The following ZFHX3 variants were observed in gnomAD, a reference collection of about 807,000 sequenced individuals.
The protein encoded by ZFHX3 is zinc finger homeobox protein 3.
Under a neutral mutation model 279.1 loss-of-function variants are expected in ZFHX3, and 42 were observed. That is an observed-to-expected ratio of 0.15 (90% CI 0.12 to 0.19). The LOEUF (loss-of-function observed/expected upper bound fraction) is 0.19. Among genes scored for constraint, ZFHX3 ranks in the 10% least tolerant of loss-of-function variants. The pLI is 1.00. For missense variants in ZFHX3, 4,981 were observed against 4,754.0 expected, an observed-to-expected ratio of 1.05 and a Z score of -1.40; for synonymous variants, 2,293 against 1,957.8, an observed-to-expected ratio of 1.17 and a Z score of -4.52.
intron 1 of ZFHX3, among the ~76,000 whole-genome samples, chr16:73,689,297 G>A (rs2053122966): frequency 6.6e-6 from 1 of 152,172 alleles, no homozygotes; most frequent in South Asian, 2.1e-4. Context: ...GGGGTTTTAG[G>A]AAGCCCCCAA....
chr16:73,462,867 T>C (rs1208342351), intron 2 of ZFHX3, among the ~76,000 whole-genome samples: 1 of 152,216 alleles, frequency 6.6e-6, no homozygotes, highest in Non-Finnish European at 1.5e-5. Flanking sequence ...CATACTGGTC[T>C]GTAGTTTTCT....
At chr16:72,859,546 CT>C (rs1228698093) in intron 4 of ZFHX3, among the ~76,000 whole-genome samples, 9 of 152,172 alleles carry the variant, frequency 5.9e-5, no homozygotes, top group African/African-American at 2.2e-4. Context: ...TAAGGCCCCA[CT>C]TTTTTCTGTC....
At chr16:73,273,681 G>T (rs1265814218) in intron 4 of ZFHX3, among the ~76,000 whole-genome samples, 2 of 151,994 alleles carry the variant, frequency 1.3e-5, no homozygotes, top group African/African-American at 4.8e-5. Flanking sequence ...TCTATCAGAG[G>T]ATATTCCATA....
intron 2 of ZFHX3, among the ~76,000 whole-genome samples, chr16:73,669,531 GT>G (rs1440147143): frequency 1.3e-5 from 2 of 152,182 alleles, no homozygotes; most frequent in African/African-American, 4.8e-5. Context: ...ATAAAAAGGG[GT>G]ATCCATGAAA....
chr16:73,589,373 T>C (rs1461370246), intron 2 of ZFHX3, among the ~76,000 whole-genome samples: 2 of 148,042 alleles, frequency 1.4e-5, no homozygotes, highest in Non-Finnish European at 1.5e-5. Flanking sequence ...GAGGTTAAGA[T>C]TGCAGTGTGC....
At chr16:73,743,788 G>A (rs1037239368) in intron 1 of ZFHX3, among the ~76,000 whole-genome samples, 7 of 152,012 alleles carry the variant, frequency 4.6e-5, no homozygotes, top group Admixed American at 3.3e-4. Context: ...CTGTCACCTG[G>A]AAAGAAATGA....
At chr16:73,465,103 T>C (rs2018542179) in intron 2 of ZFHX3, among the ~76,000 whole-genome samples, 1 of 152,142 alleles carries the variant, frequency 6.6e-6, no homozygotes, top group Non-Finnish European at 1.5e-5. Flanking sequence ...CAACTCATGC[T>C]CGAGGTCAGA....
At chr16:72,915,252 A>T (rs1205484752) in intron 3 of ZFHX3, among the ~76,000 whole-genome samples, 1 of 152,158 alleles carries the variant, frequency 6.6e-6, no homozygotes, top group East Asian at 1.9e-4. Flanking sequence ...ATTTGCCTTT[A>T]AAAAAATGAC....
rs779136959 is a variant in ZFHX3, at chr16:73,822,335, AG to A, written c.-1608+69315del. On this transcript the variant is annotated intron_variant, in intron 1 of 17. Transcript: ENST00000641206. Reference sequence around the variant, plus strand: ...AAAGGCACGATAGTTCAGTCATATTAGGTTCCTGCCAGCTAAGAAGCCTAAG... The same window carrying A: ...AAAGGCACGATAGTTCAGTCATATTAGTTCCTGCCAGCTAAGAAGCCTAAG... Among the ~76,000 whole-genome samples, 19 of 152,280 alleles carry A rather than the reference AG, an allele frequency of 1.2e-4. 1 individual carries two copies. Among genetic ancestry groups the A allele is most frequent in the Admixed American group, 6.5e-4 (10 of 15,302 alleles).
chr16:73,321,831 T>C lies in ZFHX3; in HGVS notation c.-1290-3495A>G, dbSNP rs866177122. Among the ~76,000 whole-genome samples, 18 of 148,932 alleles carry C rather than the reference T, an allele frequency of 1.2e-4. 1 individual carries two copies. The Middle Eastern group carries it at 0.014, about 114-fold the overall frequency. On this transcript the variant is annotated intron_variant, in intron 3 of 17. Transcript: ENST00000641206. ...GTGTCTCTTCCTAAGCATGGTAAATTGTATGTAGAGAAAAAGACAGAGAGA... is the reference window on the plus strand; with the variant it reads ...GTGTCTCTTCCTAAGCATGGTAAATCGTATGTAGAGAAAAAGACAGAGAGA...
chr16:73,600,936 C>T (rs2052108010), intron 2 of ZFHX3, among the ~76,000 whole-genome samples: 1 of 151,790 alleles, frequency 6.6e-6, no homozygotes, highest in African/African-American at 2.4e-5. Flanking sequence ...CCTAGCATAA[C>T]GCCCTGCCCA....
intron 3 of ZFHX3, among the ~76,000 whole-genome samples, chr16:72,931,512 GC>G (rs1160668542): frequency 6.8e-6 from 1 of 147,936 alleles, no homozygotes; most frequent in Non-Finnish European, 1.5e-5. Context: ...GACTTCAGTA[GC>G]CAAGGAGATT....
intron 3 of ZFHX3, among the ~76,000 whole-genome samples, chr16:73,322,440 C>T (rs147725146): frequency 3.9e-5 from 6 of 152,218 alleles, no homozygotes; most frequent in Non-Finnish European, 8.8e-5. Context: ...GATGGAAATA[C>T]GCTGTGATAT....
At chr16:73,594,359 T>C (rs976981806) in intron 2 of ZFHX3, among the ~76,000 whole-genome samples, 1 of 152,162 alleles carries the variant, frequency 6.6e-6, no homozygotes, top group African/African-American at 2.4e-5. Flanking sequence ...GAAGGCTCAA[T>C]AGATAAAAAT....
intron 4 of ZFHX3, among the ~76,000 whole-genome samples, chr16:73,269,606 C>A (rs865904222): frequency 6.6e-6 from 1 of 152,086 alleles, no homozygotes; most frequent in African/African-American, 2.4e-5. Flanking sequence ...TTATTAATAA[C>A]CTTCCACGAA....
Position 72,868,826 on chromosome 16 carries a change from T to G in ZFHX3, c.3448+20905A>C, listed in dbSNP as rs573589197. Among the ~76,000 whole-genome samples, 4 of 144,944 alleles carry G rather than the reference T, an allele frequency of 2.8e-5. No homozygotes were observed. In the East Asian group the frequency reaches 6.1e-4, roughly 22 times the overall value. ...GTAGCCCTCTGTTCACCTCAGGAGTTGTAAGAAACAACCCTATTGTACATA... is the reference window on the plus strand; with the variant it reads ...GTAGCCCTCTGTTCACCTCAGGAGTGGTAAGAAACAACCCTATTGTACATA... On this transcript the variant is annotated intron_variant, in intron 4 of 9. Transcript: ENST00000268489.
chr16:73,716,624 C>A (rs1181846686), intron 1 of ZFHX3, among the ~76,000 whole-genome samples: 1 of 134,212 alleles, frequency 7.5e-6, no homozygotes, highest in Non-Finnish European at 1.7e-5. Context: ...CACACACACA[C>A]ACACACACAC....
chr16:73,662,250 C>A (rs928727691), intron 2 of ZFHX3, among the ~76,000 whole-genome samples: 15 of 152,124 alleles, frequency 9.9e-5, no homozygotes, highest in Non-Finnish European at 4.4e-5. Context: ...AGCACTTTTG[C>A]GCAAGTGTAA....
Position 72,788,097 on chromosome 16 carries a change from C to G in ZFHX3, c.10179G>C (p.Gln3393His). 6.2e-7 allele frequency: 1 copy of G among 1,608,636 alleles called. No individual in the cohort carries two copies. ...GGGTTTGGCTTGCTTTGGGCTGCTG[C>G]TGCTGCACTTTTTGCTGCTGCTGCT... ...LQQQQQQKVQ[Q>H]QQPKASQTPV... Residue 3393 changes from glutamine to histidine, a missense_variant, in exon 10 of 10, where the codon CAG becomes CAC. Coordinates refer to ENST00000268489, the MANE Select transcript of ZFHX3 (RefSeq NM_006885.4).
Sources: allele counts gnomAD v4.1 joint callset (sites outside exome capture counted in the v4.1 genomes callset), GRCh38; gene constraint gnomAD v4.1.1; transcripts MANE v1.5; gene names NCBI Gene and HGNC (gene_info 2026-07-23, HGNC 2026-07-21).